RASSF6: variants seen among roughly 807,000 people sequenced by gnomAD.
The protein encoded by RASSF6 is Ras association domain family member 6.
RASSF6 carries 52 observed loss-of-function variants against 44.0 expected under a neutral mutation model. The observed-to-expected ratio is 1.18, with a 90% CI of 0.95 to 1.49. The LOEUF is 1.49. Among genes scored for constraint, RASSF6 ranks in the 40% most tolerant of loss-of-function variants. RASSF6 has a pLI of 0.00. For missense variants in RASSF6, 464 were observed against 393.3 expected (o/e 1.18, Z -1.52); for synonymous variants, 162 against 124.6 (o/e 1.30, Z -2.00).
intron 5 of RASSF6, among the ~76,000 whole-genome samples, chr4:73,585,618 C>A (rs920898878): frequency 1.3e-5 from 2 of 151,506 alleles, no homozygotes; most frequent in African/African-American, 2.4e-5. Context: ...TCACAATGAT[C>A]ATGTTTGGGG....
At chr4:73,617,471 G>A (rs1329887772) in intron 1 of RASSF6, among the ~76,000 whole-genome samples, 2 of 152,126 alleles carry the variant, frequency 1.3e-5, no homozygotes, top group African/African-American at 4.8e-5. Context: ...TGGTGTGGTG[G>A]AACTCAAAAA....
chr4:73,599,738 C>CT (rs1725160490), intron 2 of RASSF6, among the ~76,000 whole-genome samples: 1 of 152,204 alleles, frequency 6.6e-6, no homozygotes, highest in Non-Finnish European at 1.5e-5. Flanking sequence ...ACAGCAGAAA[C>CT]TGTTTTAATG....
intron 2 of RASSF6, among the ~76,000 whole-genome samples, chr4:73,609,864 G>T (rs563884226): frequency 6.6e-6 from 1 of 152,240 alleles, no homozygotes; most frequent in African/African-American, 2.4e-5. Flanking sequence ...ATGTTAGGAG[G>T]TCAGAAGTTC....
intron 1 of RASSF6, among the ~76,000 whole-genome samples, chr4:73,618,947 A>G (rs1367255420): frequency 1.3e-5 from 2 of 152,232 alleles, no homozygotes; most frequent in Non-Finnish European, 2.9e-5. Context: ...GAAACTTCAT[A>G]AAATAAAGCC....
At chr4:73,620,263 T>C (rs1256264192) in intron 1 of RASSF6, 25 bp downstream of exon 1, 1 of 1,384,428 alleles carries the variant, frequency 7.2e-7, no homozygotes, top group African/African-American at 1.5e-5. Flanking sequence ...ATTAGAAAGT[T>C]TTTTTCCCCA....
rs1723118131 is a variant in RASSF6, at chr4:73,574,875, G to T, written c.*1360C>A. The T allele has an allele frequency of 1.3e-5, 2 of 151,750 alleles. No homozygotes were observed. The highest frequency in any genetic ancestry group is 4.2e-4 in the South Asian group (2 of 4,816). 9.4% of individuals were successfully genotyped at this position (151,750 alleles called of 1,614,324 possible). On this transcript the variant is annotated 3_prime_UTR_variant, in exon 11 of 11. Transcript: ENST00000307439. The stretch of plus-strand genomic sequence containing the variant: ...GGTACATGACACTAGTTTTTTATAA[G>T]TATGTTGAATTTTAACTATTACATT...
intron 4 of RASSF6, among the ~76,000 whole-genome samples, chr4:73,590,788 T>G (rs1560447727): frequency 6.6e-6 from 1 of 152,338 alleles, no homozygotes; most frequent in African/African-American, 2.4e-5. Context: ...CTGCCAAATG[T>G]TCTACAGTTA....
At chr4:73,615,269 C>T (rs1448348559) in intron 1 of RASSF6, among the ~76,000 whole-genome samples, 3 of 151,908 alleles carry the variant, frequency 2.0e-5, no homozygotes, top group East Asian at 3.9e-4. Context: ...GTTTTTCATC[C>T]TCATCTTCCC....
chr4:73,620,352 C>CGGTTTG lies in RASSF6; in HGVS notation c.-105_-100dup. 1 of 1,493,924 alleles carries CGGTTTG rather than the reference C, an allele frequency of 6.7e-7. No homozygotes were observed. The highest frequency in any genetic ancestry group is 1.3e-5 in the South Asian group (1 of 74,946). 92.5% of individuals were successfully genotyped at this position (1,493,924 alleles called of 1,614,324 possible). ...TCGTTGTTCGGCTGAACTTGCTTCG[C>CGGTTTG]GGTTTGTTCTCGGCTGGGTCAGGAA... On this transcript the variant is annotated 5_prime_UTR_variant, in exon 1 of 11. Coordinates refer to ENST00000307439, the MANE Select transcript of RASSF6 (RefSeq NM_177532.5).
At chr4:73,589,025 T>A (rs2149375645) in intron 4 of RASSF6, among the ~76,000 whole-genome samples, 1 of 152,284 alleles carries the variant, frequency 6.6e-6, no homozygotes, top group East Asian at 1.9e-4. Flanking sequence ...AAAAAATATT[T>A]ATTAATACTA....
rs201601562 is a variant in RASSF6, at chr4:73,611,772, G to T, written c.24C>A (p.Tyr8Ter). 240 of 1,611,230 alleles carry T rather than the reference G, an allele frequency of 1.5e-4. No homozygotes were observed. Among genetic ancestry groups the T allele is most frequent in the Non-Finnish European group, 3.2e-5 (38 of 1,177,914 alleles). The change falls in exon 2 of 11, where the codon TAC becomes TAA. Residue 8 changes from tyrosine to a stop codon, truncating the protein, a stop_gained. Coordinates refer to ENST00000307439, the MANE Select transcript of RASSF6 (RefSeq NM_177532.5). LOFTEE classifies it high-confidence loss of function. The part of the protein sequence containing the change: MTMMAHQ[Y>*]PSWIFINEKT... ...TCTCATTAATGAAGATCCAAGAGGG[G>T]TACTGGTGAGCCATCATAGTCATCT...
At chr4:73,583,564 A>G (rs1054950266) in intron 6 of RASSF6, among the ~76,000 whole-genome samples, 2 of 152,178 alleles carry the variant, frequency 1.3e-5, no homozygotes, top group Non-Finnish European at 2.9e-5. Flanking sequence ...ACAGCAACTT[A>G]AGAAACATAT....
chr4:73,598,593 T>G (rs761176476), intron 3 of RASSF6, 47 bp downstream of exon 3: 1 of 851,946 alleles, frequency 1.2e-6, no homozygotes, highest in Non-Finnish European at 1.9e-6. Context: ...TGTGCACGCA[T>G]GTGTGTGTGT....
intron 2 of RASSF6, among the ~76,000 whole-genome samples, chr4:73,600,424 TC>T (rs1478796499): frequency 2.0e-5 from 3 of 152,008 alleles, no homozygotes; most frequent in Non-Finnish European, 4.4e-5. Context: ...ATATTAAAAT[TC>T]CAAGTATTTC....
chr4:73,585,429 T>A, intron 5 of RASSF6, 65 bp from the exon 6 acceptor site: 1 of 1,071,746 alleles, frequency 9.3e-7, no homozygotes, highest in Non-Finnish European at 1.3e-6. Flanking sequence ...CTGAGTGGAT[T>A]TGTGTATGCT....
At chr4:73,588,690 A>G (rs945482963) in intron 4 of RASSF6, among the ~76,000 whole-genome samples, 2 of 152,014 alleles carry the variant, frequency 1.3e-5, no homozygotes, top group Non-Finnish European at 2.9e-5. Context: ...GGATTAAAAG[A>G]GTTAATTTGT....
At chr4:73,609,860 G>A (rs1725884650) in intron 2 of RASSF6, among the ~76,000 whole-genome samples, 1 of 152,134 alleles carries the variant, frequency 6.6e-6, no homozygotes, top group African/African-American at 2.4e-5. Context: ...GTTTATGTTA[G>A]GAGGTCAGAA....
chr4:73,578,921 T>G (rs1723426827), intron 8 of RASSF6, among the ~76,000 whole-genome samples: 1 of 152,020 alleles, frequency 6.6e-6, no homozygotes, highest in Non-Finnish European at 1.5e-5. Flanking sequence ...ACCCCCCTTC[T>G]CATCCTCTCA....
At position 73,581,852 on chromosome 4, in the gene RASSF6, T is replaced by C; in HGVS notation, c.686A>G (p.Gln229Arg). Residue 229 changes from glutamine (Q) to arginine (R), a missense_variant, in exon 8 of 11, where the codon CAG becomes CGG. Coordinates refer to ENST00000307439, the MANE Select transcript of RASSF6 (RefSeq NM_177532.5). ...AAAAATAATGTGAAGAGCAAAATCC[T>C]GGGGACTATTTTCAATCTGTCAAGG... ...LQKFKIENSP[Q>R]DFALHIIFAT... 6.2e-7 allele frequency: 1 copy of C among 1,610,176 alleles called. No individual in the cohort carries two copies. Among genetic ancestry groups the C allele is most frequent in the Non-Finnish European group, 8.5e-7 (1 of 1,177,016 alleles).
Sources: allele counts gnomAD v4.1 joint callset (sites outside exome capture counted in the v4.1 genomes callset), GRCh38; gene constraint gnomAD v4.1.1; transcripts MANE v1.5; gene names NCBI Gene and HGNC (gene_info 2026-07-23, HGNC 2026-07-21).